Variants in MSR1 observed in about 807,000 individuals in gnomAD.
The protein encoded by MSR1 is macrophage scavenger receptor types I and II.
A neutral mutation model predicts 47.2 loss-of-function variants in MSR1; 53 were observed. The ratio of observed to expected loss-of-function variants is 1.12; its 90% CI spans 0.90 to 1.41. The LOEUF (loss-of-function observed/expected upper bound fraction) is 1.41, where lower values mean the gene tolerates loss of function less well. Among genes scored for constraint, MSR1 ranks in the 40% most tolerant of loss-of-function variants. The probability of loss-of-function intolerance (pLI) is 0.00; values close to 1 mark genes in which losing one functional copy is unlikely to be tolerated. For synonymous variants in MSR1, 239 were observed against 185.6 expected (o/e 1.29, Z -2.34); for missense variants, 786 against 546.9 (o/e 1.44, Z -4.36).
intron 7 of MSR1, among the ~76,000 whole-genome samples, chr8:16,149,638 G>A (rs986644763): frequency 6.6e-6 from 1 of 152,088 alleles, no homozygotes; most frequent in African/African-American, 2.4e-5. Flanking sequence ...TACTGGCAGA[G>A]CTGATGGAAA....
intron 8 of MSR1, chr8:16,120,832 C>A (rs1414934032): frequency 3.3e-5 from 19 of 582,430 alleles, no homozygotes; most frequent in Non-Finnish European, 3.0e-6. Flanking sequence ...AAAATCCAAT[C>A]TGTCTTACAT....
intron 2 of MSR1, among the ~76,000 whole-genome samples, chr8:16,176,440 G>C (rs761599593): frequency 2.6e-5 from 4 of 151,242 alleles, no homozygotes; most frequent in Non-Finnish European, 5.9e-5. Flanking sequence ...CCAAGAGGTT[G>C]AGGCTGCAAT....
intron 1 of MSR1, among the ~76,000 whole-genome samples, chr8:16,187,352 A>G (rs1469189728): frequency 2.2e-5 from 3 of 135,290 alleles, no homozygotes; most frequent in Non-Finnish European, 4.6e-5. Context: ...AACAAGAATA[A>G]AACTCTGTCT....
At chr8:16,120,763 A>C (rs1271292420) in intron 8 of MSR1, 157 bp from the exon 9 acceptor site, 2 of 936,024 alleles carry the variant, frequency 2.1e-6, no homozygotes, top group Admixed American at 5.8e-5. Context: ...ACTTTCTAGC[A>C]CCACCTATTG....
At chr8:16,189,214 T>C (rs1802092796) in intron 1 of MSR1, among the ~76,000 whole-genome samples, 1 of 137,706 alleles carries the variant, frequency 7.3e-6, no homozygotes, top group South Asian at 2.2e-4. Flanking sequence ...TATATATATT[T>C]CATATATGTA....
chr8:16,175,363 T>G, intron 2 of MSR1, 63 bp from the exon 3 acceptor site: 1 of 1,289,078 alleles, frequency 7.8e-7, no homozygotes, highest in Non-Finnish European at 1.1e-6. Flanking sequence ...TAATTAAAAT[T>G]GTTTTAATCT....
intron 8 of MSR1, chr8:16,139,246 AT>A (rs1425788588): frequency 1.0e-6 from 1 of 983,040 alleles, no homozygotes; most frequent in African/African-American, 1.7e-5. Context: ...CTGATTACAG[AT>A]TAAAAATGTC....
intron 6 of MSR1, among the ~76,000 whole-genome samples, chr8:16,151,091 T>C (rs1299212974): frequency 6.6e-6 from 1 of 152,150 alleles, no homozygotes; most frequent in African/African-American, 2.4e-5. Flanking sequence ...GATAAACTAT[T>C]GTAACAGTTT....
intron 7 of MSR1, among the ~76,000 whole-genome samples, chr8:16,145,748 T>C (rs566871276): frequency 2.6e-5 from 4 of 152,166 alleles, no homozygotes; most frequent in Non-Finnish European, 4.4e-5. Flanking sequence ...CATTTTAACA[T>C]GATTCAGAGA....
intron 2 of MSR1, 56 bp from the exon 3 acceptor site, chr8:16,175,356 T>A: frequency 1.4e-6 from 2 of 1,383,814 alleles, no homozygotes; most frequent in Non-Finnish European, 2.1e-6. Flanking sequence ...TCTTCCATAA[T>A]TAAAATTGTT....
intron 4 of MSR1, 104 bp downstream of exon 4, chr8:16,168,354 G>A: frequency 1.8e-6 from 2 of 1,121,766 alleles, no homozygotes; most frequent in Non-Finnish European, 2.7e-6. Context: ...TAAACAGGAT[G>A]ATGAAACAGG....
At chr8:16,150,140 G>GTGTGTACATATATATA (rs1402495981) in intron 7 of MSR1, 91 bp downstream of exon 7, 1 of 172,634 alleles carries the variant, frequency 5.8e-6, no homozygotes, top group African/African-American at 3.1e-5. Flanking sequence ...GTGTGTGTGT[G>GTGTGTACATATATATA]TATATATATA....
At chr8:16,170,086 A>T (rs1232913189) in intron 3 of MSR1, among the ~76,000 whole-genome samples, 3 of 152,184 alleles carry the variant, frequency 2.0e-5, no homozygotes, top group African/African-American at 7.2e-5. Flanking sequence ...GCGTTGGCTC[A>T]TGCCTGTAAT....
chr8:16,116,138 A>G (rs1799871917), intron 9 of MSR1, among the ~76,000 whole-genome samples: 2 of 152,230 alleles, frequency 1.3e-5, no homozygotes, highest in South Asian at 4.1e-4. Flanking sequence ...TGTTGCTGCT[A>G]GCAGTGATCT....
chr8:16,117,915 T>A (rs1246481184), intron 9 of MSR1, among the ~76,000 whole-genome samples: 1 of 152,106 alleles, frequency 6.6e-6, no homozygotes, highest in African/African-American at 2.4e-5. Flanking sequence ...ATGTGCACAA[T>A]AAATGTCATG....
intron 8 of MSR1, among the ~76,000 whole-genome samples, chr8:16,133,771 C>T (rs1800319801): frequency 6.6e-6 from 1 of 152,108 alleles, no homozygotes; most frequent in African/African-American, 2.4e-5. Flanking sequence ...AAATAAATGC[C>T]TCAGGATATT....
intron 8 of MSR1, chr8:16,140,713 A>G (rs1327663080): frequency 1.5e-6 from 2 of 1,366,530 alleles, no homozygotes; most frequent in Non-Finnish European, 1.9e-6. Context: ...TGGTTGGAGC[A>G]GCCCTCCAGT....
In MSR1 at chr8:16,129,409, T is replaced by C. The variant is rs530376768; in HGVS notation, c.1034-8803A>G. 4.6e-5 allele frequency among the ~76,000 whole-genome samples: 7 copies of C among 152,082 alleles called. 1 individual carries two copies. The highest frequency in any genetic ancestry group is 8.8e-5 in the Non-Finnish European group (6 of 67,990). ...ATGGGGGAATTTCTTGGAGACTCCA[T>C]GTGAAACAAGCCAACTGTGTCGTTC... On this transcript the variant is annotated intron_variant, in intron 8 of 9. Coordinates refer to ENST00000262101, the MANE Select transcript of MSR1 (RefSeq NM_138715.3).
At chr8:16,175,724 C>T (rs34139983) in intron 2 of MSR1, among the ~76,000 whole-genome samples, 7,317 of 152,166 alleles carry the variant, frequency 0.048, 515 homozygotes, top group African/African-American at 0.15. Context: ...AGGGCAAATA[C>T]TTATTTTCAA....
Sources: gnomAD v4.1 joint callset for allele counts (sites outside exome capture counted in the v4.1 genomes callset) on GRCh38, gnomAD v4.1.1 for gene constraint, MANE v1.5 for transcripts, NCBI Gene and HGNC (gene_info 2026-07-23, HGNC 2026-07-21) for gene names.